Variants in ALK observed in about 807,000 individuals in gnomAD.
The protein encoded by ALK is ALK tyrosine kinase receptor.
A neutral mutation model predicts 163.1 loss-of-function variants in ALK; 74 were observed. The observed-to-expected ratio is 0.45, with a 90% confidence interval of 0.38 to 0.55. The LOEUF is 0.55. Ranked by LOEUF, ALK falls within the 20% of genes least tolerant of loss-of-function variation. ALK has a pLI of 0.00. For synonymous variants in ALK, 960 were observed against 843.2 expected, an observed-to-expected ratio of 1.14 and a Z score of -2.40; for missense variants, 2,063 against 2,105.3, an observed-to-expected ratio of 0.98 and a Z score of 0.39.
chr2:29,368,728 T>C (rs6740648), intron 5 of ALK, among the ~76,000 whole-genome samples: 41,508 of 152,046 alleles, frequency 0.27, 5,873 homozygotes, highest in African/African-American at 0.31. Context: ...TCCCTTTCTC[T>C]CTCTTTTCTT....
rs1668941335 is a variant in ALK at position 29,193,629 on chromosome 2, A to G, written c.4458T>C (p.Pro1486=). ...VNMAFSQSNP[P]SELHKVHGSR... ...ATCCGTGGACCTTGTGCAACTCCGA[A>G]GGAGGGTTGGACTGAGAGAATGCCA... Residue 1486 remains proline (P), a synonymous_variant, in exon 29 of 29, where the codon CCT becomes CCC. Transcript: ENST00000389048. The G allele has an allele frequency of 6.8e-6, 11 of 1,614,100 alleles. No individual in the cohort carries two copies. The East Asian group carries it at 2.2e-4, about 33-fold the overall frequency.
chr2:29,595,748 A>C (rs1367900469), intron 3 of ALK, among the ~76,000 whole-genome samples: 5 of 152,222 alleles, frequency 3.3e-5, no homozygotes, highest in Admixed American at 3.3e-4. Context: ...TTTTCAATGA[A>C]AGGAAGAATT....
intron 23 of ALK, among the ~76,000 whole-genome samples, chr2:29,214,799 C>A (rs925607982): frequency 1.3e-5 from 2 of 152,154 alleles, no homozygotes; most frequent in South Asian, 4.1e-4. Context: ...AAATCCCTGA[C>A]GTGTGCGGCA....
At chr2:29,689,605 G>A (rs1678336913) in intron 3 of ALK, among the ~76,000 whole-genome samples, 2 of 152,180 alleles carry the variant, frequency 1.3e-5, no homozygotes, top group Non-Finnish European at 2.9e-5. Flanking sequence ...GGATCCACAT[G>A]CCAACCCAGA....
intron 4 of ALK, among the ~76,000 whole-genome samples, chr2:29,422,362 T>C (rs1462029618): frequency 1.3e-5 from 2 of 151,300 alleles, no homozygotes; most frequent in East Asian, 3.9e-4. Context: ...TGACTACATG[T>C]ACCTAATTGG....
chr2:29,655,072 G>A (rs185361987), intron 3 of ALK, among the ~76,000 whole-genome samples: 5 of 152,214 alleles, frequency 3.3e-5, no homozygotes, highest in African/African-American at 1.2e-4. Flanking sequence ...TTGGTTTCCA[G>A]GAATATAAAT....
chr2:29,720,535 C>A (rs183691111), intron 1 of ALK, among the ~76,000 whole-genome samples: 2 of 152,242 alleles, frequency 1.3e-5, no homozygotes, highest in South Asian at 2.1e-4. Context: ...GGGGGTCAGC[C>A]AAAAGGCTGA....
intron 26 of ALK, 68 bp from the exon 27 acceptor site, chr2:29,197,744 G>A: frequency 8.1e-7 from 1 of 1,238,286 alleles, no homozygotes; most frequent in Admixed American, 1.7e-5. Flanking sequence ...CACACACACA[G>A]GCACACAGAC....
Position 29,678,486 on chromosome 2 carries a change from T to C in ALK, c.952+16364A>G, listed in dbSNP as rs116307697. Among the ~76,000 whole-genome samples, 1,366 of 151,694 alleles carry C rather than the reference T, an allele frequency of 9.0e-3. 21 individuals are homozygous for C. The highest frequency in any genetic ancestry group is 0.031 in the African/African-American group (1,279 of 41,526). ...TTAAATTTCATCTCATAAGTTTTAA[T>C]ATGTTTTATTTTAATTTTCATTCAG... On this transcript the variant is annotated intron_variant, in intron 3 of 28. Transcript: ENST00000389048.
intron 4 of ALK, among the ~76,000 whole-genome samples, chr2:29,397,029 G>T (rs745345596): frequency 3.9e-5 from 6 of 151,904 alleles, no homozygotes; most frequent in Non-Finnish European, 1.5e-5. Context: ...TGCCACTATT[G>T]GCTGGCTTCC....
At chr2:29,610,572 G>C (rs140739571) in intron 3 of ALK, among the ~76,000 whole-genome samples, 2 of 152,014 alleles carry the variant, frequency 1.3e-5, no homozygotes, top group Non-Finnish European at 2.9e-5. Flanking sequence ...TCCAAGCAGC[G>C]GCAGATAGGA....
chr2:29,679,745 T>G (rs1322981067), intron 3 of ALK, among the ~76,000 whole-genome samples: 2 of 152,052 alleles, frequency 1.3e-5, no homozygotes, highest in Middle Eastern at 3.4e-3. Context: ...AAAGGTTGTT[T>G]AAGCCTTTTA....
chr2:29,214,216 T>A, intron 23 of ALK, 135 bp from the exon 24 acceptor site: 2 of 740,512 alleles, frequency 2.7e-6, no homozygotes, highest in Non-Finnish European at 2.3e-6. Context: ...CGGCCCTGGC[T>A]GCACATTAGA....
At chr2:29,588,452 A>G (rs546087703) in intron 3 of ALK, among the ~76,000 whole-genome samples, 1 of 152,180 alleles carries the variant, frequency 6.6e-6, no homozygotes, top group Non-Finnish European at 1.5e-5. Context: ...GCTGGTTTCG[A>G]ACTCCTGACA....
intron 3 of ALK, among the ~76,000 whole-genome samples, chr2:29,574,752 T>A (rs1019447304): frequency 6.6e-6 from 1 of 152,232 alleles, no homozygotes; most frequent in African/African-American, 2.4e-5. Flanking sequence ...GAGGCCGTGC[T>A]GAACTCTTCT....
chr2:29,283,653 TG>T (rs1159182701), intron 9 of ALK, among the ~76,000 whole-genome samples: 9 of 152,088 alleles, frequency 5.9e-5, no homozygotes, highest in Admixed American at 5.2e-4. Context: ...TCTATATAGT[TG>T]GTGGGGCCCT....
intron 4 of ALK, among the ~76,000 whole-genome samples, chr2:29,475,927 C>A (rs1480684137): frequency 1.3e-5 from 2 of 152,164 alleles, no homozygotes; most frequent in Non-Finnish European, 2.9e-5. Context: ...ACGGTGACAT[C>A]GAGTCTCACA....
intron 1 of ALK, among the ~76,000 whole-genome samples, chr2:29,791,012 G>C (rs1664171740): frequency 6.6e-6 from 1 of 152,170 alleles, no homozygotes; most frequent in Non-Finnish European, 1.5e-5. Flanking sequence ...TACAGTCTCT[G>C]TGACCTCTTG....
At chr2:29,852,832 T>TTCTCTCTCTCTCTCTCTC (rs56348355) in intron 1 of ALK, among the ~76,000 whole-genome samples, 3 of 148,476 alleles carry the variant, frequency 2.0e-5, no homozygotes, top group African/African-American at 7.6e-5. Flanking sequence ...GACCAGAGCT[T>TTCTCTCTCTCTCTCTCTC]TCTCTCTCTC....
Sources: allele counts gnomAD v4.1 joint callset (sites outside exome capture counted in the v4.1 genomes callset), GRCh38; gene constraint gnomAD v4.1.1; transcripts MANE v1.5; gene names NCBI Gene and HGNC (gene_info 2026-07-23, HGNC 2026-07-21).